Variants in PLB1 observed in about 807,000 individuals in gnomAD.
PLB1 encodes the protein phospholipase B1.
PLB1 carries 242 observed loss-of-function variants against 227.4 expected under a neutral mutation model. The observed-to-expected ratio is 1.06, with a 90% CI of 0.96 to 1.18. The LOEUF (loss-of-function observed/expected upper bound fraction) is 1.18, where lower values mean the gene tolerates loss of function less well. Ranked by LOEUF, PLB1 falls within the 50% of genes most tolerant of loss-of-function variation. The probability of loss-of-function intolerance (pLI) is 0.00; values close to 1 mark genes in which losing one functional copy is unlikely to be tolerated. For synonymous variants in PLB1, 757 were observed against 682.2 expected, an observed-to-expected ratio of 1.11 and a Z score of -1.71; for missense variants, 1,858 against 1,816.3, an observed-to-expected ratio of 1.02 and a Z score of -0.42.
At position 28,543,297 on chromosome 2, in the gene PLB1, C is replaced by T. The variant is rs1672764576; in HGVS notation, c.936+29C>T. 1.1e-5 allele frequency: 17 copies of T among 1,604,016 alleles called. No homozygotes were observed. The East Asian group carries it at 3.8e-4, about 36-fold the overall frequency. ...AGTAGATGGGGCCTGGGGTGGGGCC[C>T]ACAGAGGAGGGGCAAGGTCTCCACC... On this transcript the variant is annotated intron_variant, in intron 14 of 57. Coordinates refer to ENST00000327757, the MANE Select transcript of PLB1 (RefSeq NM_153021.5).
chr2:28,523,372 A>G (rs895863488), intron 4 of PLB1, among the ~76,000 whole-genome samples: 1 of 123,692 alleles, frequency 8.1e-6, no homozygotes, highest in Non-Finnish European at 1.6e-5. Context: ...ACTCAGTGTC[A>G]TAGATATTTT....
At chr2:28,588,235 A>G (rs571205199) in intron 26 of PLB1, among the ~76,000 whole-genome samples, 154 of 152,322 alleles carry the variant, frequency 1.0e-3, no homozygotes, top group African/African-American at 3.5e-3. Context: ...CTGTGAGCCC[A>G]TCTGGCTATC....
At chr2:28,509,728 T>C (rs1473779110) in intron 1 of PLB1, among the ~76,000 whole-genome samples, 1 of 152,202 alleles carries the variant, frequency 6.6e-6, no homozygotes, top group East Asian at 1.9e-4. Flanking sequence ...AAGCCCTTCA[T>C]ATATCCATGG....
chr2:28,565,237 T>G (rs1200383422), intron 18 of PLB1, 43 bp from the exon 19 acceptor site: 1 of 1,559,022 alleles, frequency 6.4e-7, no homozygotes, highest in East Asian at 2.3e-5. Context: ...GGTGGGCCAC[T>G]GGGGAAAGCA....
chr2:28,565,201 C>T (rs1233133609), intron 18 of PLB1, 79 bp from the exon 19 acceptor site: 1 of 1,296,130 alleles, frequency 7.7e-7, no homozygotes, highest in Non-Finnish European at 1.1e-6. Context: ...AGCATAAGAA[C>T]ATAGACCTTT....
Position 28,564,866 on chromosome 2 carries a change from A to ACT in PLB1, c.1207-413_1207-412dup, listed in dbSNP as rs200161532. Among the ~76,000 whole-genome samples the ACT allele has an allele frequency of 2.5e-3, 26 of 10,610 alleles. No homozygotes were observed. The African/African-American group carries it at 0.03, about 12-fold the overall frequency. The allele number at this position is 10,610 out of a possible 152,430, so 7.0% of individuals were successfully genotyped here. ...ATTTCATTTTATTACTACATTTTAA[A>ACT]CTGCATAGGTGAGATATATTGGTAT... On this transcript the variant is annotated intron_variant, in intron 18 of 57. Coordinates refer to ENST00000327757, the MANE Select transcript of PLB1 (RefSeq NM_153021.5).
At chr2:28,592,145 G>A (rs1444801916) in intron 31 of PLB1, among the ~76,000 whole-genome samples, 2 of 152,092 alleles carry the variant, frequency 1.3e-5, no homozygotes, top group Non-Finnish European at 2.9e-5. Flanking sequence ...AAGTTTCCCT[G>A]GGCTGTTCAG....
At chr2:28,532,248 G>A (rs779626006) in intron 9 of PLB1, 54 bp downstream of exon 9, 6 of 1,472,038 alleles carry the variant, frequency 4.1e-6, no homozygotes, top group Non-Finnish European at 5.7e-6. Context: ...TGGAGAGGGA[G>A]TGAACTAAAC....
rs1666428133 is a variant in PLB1 at position 28,496,308 on chromosome 2, G to A, written c.55+139G>A. On this transcript the variant is annotated intron_variant, in intron 1 of 57. Transcript: ENST00000327757. ...AAAGCGTACAGTTCAAGAATAAGAA[G>A]TCTGGTTTGCCTCCTGCGGAATGGG... The A allele has an allele frequency of 8.0e-5, 72 of 900,428 alleles. No homozygotes were observed. The South Asian group carries it at 1.2e-3, about 15-fold the overall frequency. The allele number at this position is 900,428 out of a possible 1,614,324, so 55.8% of individuals were successfully genotyped here.
chr2:28,567,469 C>T (rs1209477579), intron 20 of PLB1, among the ~76,000 whole-genome samples: 5 of 108,066 alleles, frequency 4.6e-5, no homozygotes, highest in South Asian at 3.3e-4. Flanking sequence ...ATTTCTTTCT[C>T]TTTTTTTTTT....
intron 45 of PLB1, 96 bp downstream of exon 45, chr2:28,617,883 G>A: frequency 1.6e-6 from 2 of 1,281,810 alleles, no homozygotes; most frequent in East Asian, 4.6e-5. Context: ...CTTTAAGCAG[G>A]ACTTGCTAAT....
chr2:28,636,781 T>C (rs909372498), intron 56 of PLB1, among the ~76,000 whole-genome samples: 1 of 151,984 alleles, frequency 6.6e-6, no homozygotes, highest in Non-Finnish European at 1.5e-5. Context: ...ATCTATAAAG[T>C]TCAAAAGCAA....
Position 28,582,492 on chromosome 2 carries a change from A to G in PLB1, c.1720A>G (p.Arg574Gly), listed in dbSNP as rs144737372. 6.2e-4 allele frequency: 992 copies of G among 1,607,614 alleles called. 1 individual carries two copies. Among genetic ancestry groups the G allele is most frequent in the Non-Finnish European group, 7.6e-4 (891 of 1,176,338 alleles). The change falls in exon 25 of 58, where the codon AGG becomes GGG. Residue 574 changes from arginine (R) to glycine (G), a missense_variant. Transcript: ENST00000327757. ...CCAGGAGAAAAAAGTCTACTGCCCA[A>G]GGATGATCCTCAGGTCAGACAGATA... ...LYQEKKVYCP[R>G]MILRSLCPCV...
intron 42 of PLB1, 84 bp downstream of exon 42, chr2:28,606,032 T>G: frequency 9.3e-7 from 1 of 1,075,746 alleles, no homozygotes; most frequent in African/African-American, 1.6e-5. Flanking sequence ...GTCTTGCAAG[T>G]GAGGCTGAGG....
At position 28,619,733 on chromosome 2, in the gene PLB1, A is replaced by C. The variant is rs1301877302; in HGVS notation, c.3316-532A>C. ...CAAAATAATGGCAGGTAATTAGCTT[A>C]GCCCTGAAGATTTGTGTGGACTGGG... On this transcript the variant is annotated intron_variant, in intron 46 of 57. Coordinates refer to ENST00000327757, the MANE Select transcript of PLB1 (RefSeq NM_153021.5). Among the ~76,000 whole-genome samples the C allele has an allele frequency of 2.0e-5, 3 of 152,098 alleles. No homozygotes were observed. In the East Asian group the frequency reaches 5.8e-4, roughly 29 times the overall value.
chr2:28,584,893 C>A (rs557022708), intron 25 of PLB1, among the ~76,000 whole-genome samples: 2 of 152,300 alleles, frequency 1.3e-5, no homozygotes, highest in African/African-American at 4.8e-5. Flanking sequence ...GAGTTCAAGT[C>A]CTAGCTCCCA....
At chr2:28,602,949 T>C in intron 39 of PLB1, 28 bp downstream of exon 39, 1 of 1,589,288 alleles carries the variant, frequency 6.3e-7, no homozygotes, top group African/African-American at 1.3e-5. Context: ...GTCCCCACAC[T>C]GGAGATGCCC....
chr2:28,632,168 C>T (rs745441305), intron 55 of PLB1, 28 bp downstream of exon 55: 5 of 1,559,928 alleles, frequency 3.2e-6, no homozygotes, highest in East Asian at 2.2e-5. Flanking sequence ...TAGGGAGGCT[C>T]ACGTATGGGG....
chr2:28,572,628 G>A (rs189966588), intron 20 of PLB1, among the ~76,000 whole-genome samples: 150 of 152,280 alleles, frequency 9.9e-4, no homozygotes, highest in African/African-American at 3.4e-3. Flanking sequence ...AAAACCGTAC[G>A]CTAAGGGAAA....
Sources: gnomAD v4.1 joint callset for allele counts (sites outside exome capture counted in the v4.1 genomes callset) on GRCh38, gnomAD v4.1.1 for gene constraint, MANE v1.5 for transcripts, NCBI Gene and HGNC (gene_info 2026-07-23, HGNC 2026-07-21) for gene names.